The following NAV3 variants were observed in gnomAD, a reference collection of about 807,000 sequenced individuals.
NAV3 encodes the protein pore membrane and/or filament interacting like protein 1.
A neutral mutation model predicts 244.7 loss-of-function variants in NAV3; 87 were observed. That is an observed-to-expected ratio of 0.36 (90% CI 0.30 to 0.42). The LOEUF is 0.42. Among genes scored for constraint, NAV3 ranks in the 20% least tolerant of loss-of-function variants. NAV3 has a pLI of 1.00. For synonymous variants in NAV3, 1,126 were observed against 1,042.2 expected, an observed-to-expected ratio of 1.08 and a Z score of -1.55; for missense variants, 2,663 against 2,893.3, an observed-to-expected ratio of 0.92 and a Z score of 1.83.
chr12:78,111,006 A>G (rs1251963105), intron 12 of NAV3, among the ~76,000 whole-genome samples: 1 of 152,016 alleles, frequency 6.6e-6, no homozygotes. Flanking sequence ...GTAGGTAGGA[A>G]ACAGAGACTG....
In NAV3 at chr12:77,968,621, T is replaced by G; in HGVS notation, c.590T>G (p.Val197Gly). ...HHQQQYYQSL[V>G]ELQQRVTHAS... ...CAACAACAGTACTATCAGTCCTTGG[T>G]GGAACTTCAGCAGCGAGTTACTCAC... Residue 197 changes from valine (V) to glycine (G), a missense_variant, in exon 5 of 40, where the codon GTG (valine) becomes GGG (glycine). Coordinates refer to ENST00000397909, the MANE Select transcript of NAV3 (RefSeq NM_001024383.2). 2 of 1,614,134 alleles carry G rather than the reference T, an allele frequency of 1.2e-6. No homozygotes were observed. Among genetic ancestry groups the G allele is most frequent in the Non-Finnish European group, 1.7e-6 (2 of 1,180,010 alleles).
chr12:78,065,100 A>G (rs182606853), intron 12 of NAV3, among the ~76,000 whole-genome samples: 59 of 152,252 alleles, frequency 3.9e-4, no homozygotes, highest in African/African-American at 1.3e-3. Flanking sequence ...GATTGCACTC[A>G]TGGTCCTGTA....
intron 7 of NAV3, among the ~76,000 whole-genome samples, chr12:77,999,508 G>A (rs929509987): frequency 1.1e-4 from 16 of 152,104 alleles, no homozygotes; most frequent in African/African-American, 3.6e-4. Context: ...AATGTGAACG[G>A]ACAGATGTGA....
At chr12:77,651,511 C>T (rs962190672) in intron 2 of NAV3, among the ~76,000 whole-genome samples, 3 of 151,958 alleles carry the variant, frequency 2.0e-5, no homozygotes, top group African/African-American at 7.3e-5. Flanking sequence ...TACTTTAAGT[C>T]AAAACAAAAC....
At chr12:77,633,457 AT>A (rs1301657119) in intron 2 of NAV3, among the ~76,000 whole-genome samples, 2 of 152,060 alleles carry the variant, frequency 1.3e-5, no homozygotes, top group Non-Finnish European at 1.5e-5. Context: ...TAAAACGGGC[AT>A]TTTTCCCTTA....
At chr12:78,180,771 T>G in intron 29 of NAV3, 100 bp from the exon 30 acceptor site, 1 of 923,808 alleles carries the variant, frequency 1.1e-6, no homozygotes, top group Non-Finnish European at 1.6e-6. Context: ...TTAACATGTT[T>G]TATTTAACAA....
At chr12:77,746,550 A>G (rs1049037565) in intron 2 of NAV3, among the ~76,000 whole-genome samples, 26 of 152,178 alleles carry the variant, frequency 1.7e-4, no homozygotes, top group Admixed American at 5.9e-4. Flanking sequence ...TATGAGAATT[A>G]TGTAGAAATT....
chr12:77,675,460 C>G (rs1037402534), intron 2 of NAV3, among the ~76,000 whole-genome samples: 2 of 152,166 alleles, frequency 1.3e-5, no homozygotes, highest in Non-Finnish European at 2.9e-5. Flanking sequence ...CAAGGATAGT[C>G]TCTCTTACTT....
At chr12:78,108,926 C>A (rs12227557) in intron 12 of NAV3, among the ~76,000 whole-genome samples, 17,740 of 151,782 alleles carry the variant, frequency 0.12, 1,144 homozygotes, top group East Asian at 0.26. Context: ...AAATCAAACC[C>A]AAAATCAGCA....
intron 2 of NAV3, among the ~76,000 whole-genome samples, chr12:77,671,956 G>A (rs1399326228): frequency 2.0e-5 from 3 of 152,158 alleles, no homozygotes; most frequent in African/African-American, 7.2e-5. Context: ...ACAATCAGTA[G>A]AGTTAACAGA....
chr12:77,712,875 C>T (rs1215516988), intron 2 of NAV3, among the ~76,000 whole-genome samples: 1 of 152,158 alleles, frequency 6.6e-6, no homozygotes, highest in Non-Finnish European at 1.5e-5. Context: ...ATTACATATG[C>T]TCACATTTTA....
chr12:78,097,863 A>G (rs1233822371), intron 12 of NAV3, among the ~76,000 whole-genome samples: 1 of 152,124 alleles, frequency 6.6e-6, no homozygotes, highest in Admixed American at 6.5e-5. Context: ...CCTTGAAATT[A>G]TAGTAATTTG....
At chr12:78,173,639 C>T (rs1236462577) in intron 24 of NAV3, among the ~76,000 whole-genome samples, 1 of 151,112 alleles carries the variant, frequency 6.6e-6, no homozygotes, top group Non-Finnish European at 1.5e-5. Flanking sequence ...ACATGAAAAC[C>T]TTGATTTAGG....
chr12:78,200,113 G>T (rs1003130435), intron 37 of NAV3, among the ~76,000 whole-genome samples: 2 of 151,964 alleles, frequency 1.3e-5, no homozygotes, highest in Non-Finnish European at 2.9e-5. Flanking sequence ...TTCTACACTG[G>T]GACCAGAACA....
At chr12:78,096,110 T>G (rs1954236229) in intron 12 of NAV3, among the ~76,000 whole-genome samples, 1 of 152,182 alleles carries the variant, frequency 6.6e-6, no homozygotes, top group Non-Finnish European at 1.5e-5. Flanking sequence ...AGTATTAGAT[T>G]CACTATTTGG....
At chr12:77,939,996 G>A (rs1889713032) in intron 1 of NAV3, among the ~76,000 whole-genome samples, 1 of 152,072 alleles carries the variant, frequency 6.6e-6, no homozygotes, top group Non-Finnish European at 1.5e-5. Context: ...TTTTCAAAAT[G>A]ATAGAAACAA....
At chr12:78,060,868 A>G (rs773598296) in intron 12 of NAV3, among the ~76,000 whole-genome samples, 1 of 152,164 alleles carries the variant, frequency 6.6e-6, no homozygotes, top group African/African-American at 2.4e-5. Flanking sequence ...AGTTTTTGGT[A>G]AAGGATGTTG....
intron 2 of NAV3, among the ~76,000 whole-genome samples, chr12:77,646,998 G>T (rs534310532): frequency 6.6e-6 from 1 of 151,476 alleles, no homozygotes; most frequent in African/African-American, 2.4e-5. Flanking sequence ...GTTTCAAAAG[G>T]TTTAAAATAT....
chr12:77,934,369 T>C (rs181001645), intron 1 of NAV3, among the ~76,000 whole-genome samples: 23 of 152,320 alleles, frequency 1.5e-4, no homozygotes, highest in African/African-American at 5.5e-4. Context: ...GATCACTTCT[T>C]TCTTCCAGAA....
Sources: allele counts gnomAD v4.1 joint callset (sites outside exome capture counted in the v4.1 genomes callset), GRCh38; gene constraint gnomAD v4.1.1; transcripts MANE v1.5; gene names NCBI Gene and HGNC (gene_info 2026-07-23, HGNC 2026-07-21).